SLC14A2: variants seen among roughly 807,000 people sequenced by gnomAD.
The protein encoded by SLC14A2 is solute carrier family 14 member 2, also known as urea transporter 2.
A neutral mutation model predicts 104.6 loss-of-function variants in SLC14A2; 91 were observed. The observed-to-expected ratio is 0.87, with a 90% CI of 0.73 to 1.04. The LOEUF (loss-of-function observed/expected upper bound fraction) is 1.04, where lower values mean the gene tolerates loss of function less well. Ranked by LOEUF, SLC14A2 falls within the 50% of genes least tolerant of loss-of-function variation. The pLI, the probability that SLC14A2 is intolerant of heterozygous loss-of-function variation, is 0.00. For missense variants in SLC14A2, 1,189 were observed against 1,156.0 expected (o/e 1.03, Z -0.41); for synonymous variants, 476 against 466.4 (o/e 1.02, Z -0.27).
chr18:45,206,430 T>TACAC, the SLC14A2 span, among the ~76,000 whole-genome samples: 241 of 150,400 alleles, frequency 1.6e-3, 2 homozygotes, highest in Middle Eastern at 6.9e-3. Context: ...CACACACACG[T>TACAC]ACACACACAC....
chr18:45,554,036 T>C (rs2044092890), intron 2 of SLC14A2, among the ~76,000 whole-genome samples: 1 of 152,266 alleles, frequency 6.6e-6, no homozygotes, highest in Non-Finnish European at 1.5e-5. Flanking sequence ...GGCTGTATGC[T>C]ACTCTTGAAT....
intron 1 of SLC14A2, among the ~76,000 whole-genome samples, chr18:45,451,807 G>T (rs980911725): frequency 6.6e-6 from 1 of 152,216 alleles, no homozygotes; most frequent in East Asian, 1.9e-4. Flanking sequence ...AAGAATTATG[G>T]TTCAGCAACA....
At chr18:45,369,797 A>G (rs899538308) in intron 1 of SLC14A2, among the ~76,000 whole-genome samples, 16 of 152,230 alleles carry the variant, frequency 1.1e-4, no homozygotes, top group Admixed American at 1.0e-3. Flanking sequence ...CCAAGCAAAC[A>G]TGAGGACTCT....
At chr18:45,254,568 T>G (rs779891724) in intron 1 of SLC14A2, among the ~76,000 whole-genome samples, 41 of 152,322 alleles carry the variant, frequency 2.7e-4, no homozygotes, top group Middle Eastern at 3.4e-3. Flanking sequence ...ACAACCTCAA[T>G]TTTCATGCTT....
chr18:45,571,661 G>A (rs923190885), intron 2 of SLC14A2, among the ~76,000 whole-genome samples: 8 of 152,146 alleles, frequency 5.3e-5, no homozygotes, highest in African/African-American at 9.7e-5. Context: ...TCCGCTCAAC[G>A]GGGCCCACAT....
chr18:45,432,061 A>T (rs999113393), intron 1 of SLC14A2, among the ~76,000 whole-genome samples: 3 of 152,196 alleles, frequency 2.0e-5, no homozygotes, highest in Non-Finnish European at 2.9e-5. Flanking sequence ...ACTGTTGAAT[A>T]TCATTCCCCC....
chr18:45,199,663 C>T, the SLC14A2 span, among the ~76,000 whole-genome samples: 1 of 152,140 alleles, frequency 6.6e-6, no homozygotes, highest in Non-Finnish European at 1.5e-5. Flanking sequence ...AGGAAGTTTT[C>T]TCTTGTGCTC....
At chr18:45,557,589 C>T (rs1356249207) in intron 2 of SLC14A2, among the ~76,000 whole-genome samples, 2 of 152,174 alleles carry the variant, frequency 1.3e-5, no homozygotes, top group Non-Finnish European at 2.9e-5. Context: ...TTTCAGGGTC[C>T]CTATTCTCAG....
the SLC14A2 span, among the ~76,000 whole-genome samples, chr18:45,194,307 C>G: frequency 1.3e-5 from 2 of 152,096 alleles, no homozygotes; most frequent in Admixed American, 1.3e-4. Context: ...AATCTTTTAC[C>G]AGTAGTTAAG....
intron 1 of SLC14A2, chr18:45,435,300 A>G (rs979955907): frequency 6.6e-6 from 1 of 152,232 alleles, no homozygotes; most frequent in African/African-American, 2.4e-5. Flanking sequence ...AGATGGAAAC[A>G]TGCTAGCAGG....
intron 1 of SLC14A2, among the ~76,000 whole-genome samples, chr18:45,415,926 T>C (rs1192309114): frequency 6.6e-6 from 1 of 152,202 alleles, no homozygotes; most frequent in African/African-American, 2.4e-5. Flanking sequence ...GTACCTGTCC[T>C]GATGTGCTGT....
At chr18:45,239,718 AG>A (rs1441326837) in intron 1 of SLC14A2, among the ~76,000 whole-genome samples, 15 of 152,364 alleles carry the variant, frequency 9.8e-5, no homozygotes, top group Admixed American at 7.8e-4. Context: ...TAATCATTGA[AG>A]GACTGAGTTT....
the SLC14A2 span, among the ~76,000 whole-genome samples, chr18:45,175,522 G>T: frequency 4.6e-5 from 7 of 152,146 alleles, no homozygotes; most frequent in South Asian, 1.5e-3. Flanking sequence ...AAAAGGAATG[G>T]GTCTCTTCAT....
chr18:45,289,568 C>T (rs1036401180), intron 1 of SLC14A2, among the ~76,000 whole-genome samples: 3 of 152,124 alleles, frequency 2.0e-5, no homozygotes, highest in African/African-American at 2.4e-5. Context: ...GCCAGGGCAG[C>T]GAGGAGTCTT....
intron 1 of SLC14A2, among the ~76,000 whole-genome samples, chr18:45,239,665 C>T (rs770870252): frequency 6.6e-6 from 1 of 152,256 alleles, no homozygotes; most frequent in African/African-American, 2.4e-5. Flanking sequence ...TCATTCTGAC[C>T]GAAAAATCTA....
chr18:45,634,098 A>C (rs2045383458), intron 5 of SLC14A2, among the ~76,000 whole-genome samples: 1 of 150,676 alleles, frequency 6.6e-6, no homozygotes, highest in African/African-American at 2.5e-5. Context: ...TTTAAAGGAC[A>C]AAAAAACACT....
chr18:45,591,535 C>T (rs1479855518), intron 2 of SLC14A2, among the ~76,000 whole-genome samples: 1 of 152,154 alleles, frequency 6.6e-6, no homozygotes, highest in Non-Finnish European at 1.5e-5. Context: ...CAGGGTTTCA[C>T]CATCTTGGCC....
intron 1 of SLC14A2, among the ~76,000 whole-genome samples, chr18:45,285,279 T>TA (rs2084802150): frequency 6.6e-6 from 1 of 152,184 alleles, no homozygotes; most frequent in Non-Finnish European, 1.5e-5. Flanking sequence ...TTTTTTGATA[T>TA]AAAAAACCTA....
intron 1 of SLC14A2, among the ~76,000 whole-genome samples, chr18:45,370,047 AACACTGAG>A (rs1232286181): frequency 6.6e-6 from 1 of 152,172 alleles, no homozygotes; most frequent in Non-Finnish European, 1.5e-5. Context: ...TTCTCTAACC[AACACTGAG>A]GAGTCAGGTT....
Sources: gnomAD v4.1 joint callset for allele counts (sites outside exome capture counted in the v4.1 genomes callset) on GRCh38, gnomAD v4.1.1 for gene constraint, MANE v1.5 for transcripts, NCBI Gene and HGNC (gene_info 2026-07-23, HGNC 2026-07-21) for gene names.